RAB3GAP1: variants seen among roughly 807,000 people sequenced by gnomAD.
The protein encoded by RAB3GAP1 is rab3 GTPase-activating protein catalytic subunit.
Under a neutral mutation model 130.7 loss-of-function variants are expected in RAB3GAP1, and 86 were observed. The observed-to-expected ratio is 0.66, with a 90% CI of 0.55 to 0.79. The LOEUF is 0.79. Among genes scored for constraint, RAB3GAP1 ranks in the 30% least tolerant of loss-of-function variants. The pLI is 0.00. For missense variants in RAB3GAP1, 1,029 were observed against 1,169.4 expected, an observed-to-expected ratio of 0.88 and a Z score of 1.75; for synonymous variants, 367 against 401.7, an observed-to-expected ratio of 0.91 and a Z score of 1.03.
intron 7 of RAB3GAP1, among the ~76,000 whole-genome samples, chr2:135,117,507 TCTTCTG>T (rs1691022158): frequency 2.9e-5 from 4 of 137,386 alleles, no homozygotes; most frequent in African/African-American, 2.9e-5. Flanking sequence ...TTCTTCTTCT[TCTTCTG>T]CTTCTTCTGC....
At chr2:135,095,133 C>G (rs1271822675) in intron 5 of RAB3GAP1, among the ~76,000 whole-genome samples, 1 of 152,178 alleles carries the variant, frequency 6.6e-6, no homozygotes, top group Non-Finnish European at 1.5e-5. Context: ...ACTGCAACCT[C>G]TGCCTCCCAG....
intron 19 of RAB3GAP1, among the ~76,000 whole-genome samples, chr2:135,159,371 G>A (rs1378011598): frequency 6.6e-6 from 1 of 152,186 alleles, no homozygotes; most frequent in African/African-American, 2.4e-5. Flanking sequence ...CACAGGCTAA[G>A]CCATACTGGC....
intron 8 of RAB3GAP1, among the ~76,000 whole-genome samples, chr2:135,121,809 C>T (rs1023385654): frequency 4.6e-5 from 7 of 152,110 alleles, no homozygotes; most frequent in African/African-American, 1.2e-4. Flanking sequence ...TAATATAATA[C>T]AGGCCGGGCA....
chr2:135,105,567 G>C (rs957749681), intron 5 of RAB3GAP1, among the ~76,000 whole-genome samples: 120 of 152,208 alleles, frequency 7.9e-4, no homozygotes, highest in African/African-American at 2.8e-3. Flanking sequence ...GCAGTGGCGT[G>C]ATCTCGGCTC....
chr2:135,073,507 A>G (rs1391898030), intron 3 of RAB3GAP1, among the ~76,000 whole-genome samples: 1 of 152,178 alleles, frequency 6.6e-6, no homozygotes, highest in African/African-American at 2.4e-5. Context: ...ATGGCTGAGC[A>G]TGTGACAGAG....
intron 11 of RAB3GAP1, among the ~76,000 whole-genome samples, chr2:135,127,564 G>A (rs576749813): frequency 6.6e-6 from 1 of 151,906 alleles, no homozygotes; most frequent in South Asian, 2.1e-4. Context: ...GGATGGTCTC[G>A]ATCTCCTGAC....
intron 2 of RAB3GAP1, among the ~76,000 whole-genome samples, chr2:135,057,339 A>G (rs1281074525): frequency 1.3e-5 from 2 of 152,152 alleles, no homozygotes; most frequent in African/African-American, 4.8e-5. Flanking sequence ...TATTTAAAGG[A>G]AAAGTTTATT....
chr2:135,128,702 A>G (rs1300917063), intron 11 of RAB3GAP1, among the ~76,000 whole-genome samples: 1 of 152,240 alleles, frequency 6.6e-6, no homozygotes, highest in East Asian at 1.9e-4. Flanking sequence ...AAGAAGCCTC[A>G]AAAAAGTTAT....
intron 16 of RAB3GAP1, 122 bp from the exon 17 acceptor site, chr2:135,135,442 T>C (rs1048134066): frequency 2.4e-5 from 35 of 1,434,142 alleles, no homozygotes; most frequent in Non-Finnish European, 3.3e-5. Flanking sequence ...CTATAGTCAG[T>C]AGTCACTGCA....
At chr2:135,154,975 A>G (rs1692269611) in intron 19 of RAB3GAP1, among the ~76,000 whole-genome samples, 1 of 152,182 alleles carries the variant, frequency 6.6e-6, no homozygotes. Context: ...CCACATCCAT[A>G]TAAAACTACT....
Position 135,071,043 on chromosome 2 carries a change from T to C in RAB3GAP1, c.150+12957T>C, listed in dbSNP as rs188812387. On this transcript the variant is annotated intron_variant, in intron 3 of 23. Coordinates refer to ENST00000264158, the MANE Select transcript of RAB3GAP1 (RefSeq NM_012233.3). ...ATATATACAAAGGCTTACTTGAACA[T>C]GTACTTTTGGGACAGCTTGTATGAT... Among the ~76,000 whole-genome samples the C allele has an allele frequency of 2.0e-5, 3 of 152,358 alleles. No individual in the cohort carries two copies. The East Asian group carries it at 5.8e-4, about 29-fold the overall frequency.
chr2:135,062,637 A>G (rs1331742152), intron 3 of RAB3GAP1, among the ~76,000 whole-genome samples: 1 of 152,218 alleles, frequency 6.6e-6, no homozygotes, highest in African/African-American at 2.4e-5. Context: ...ACATTTTAAC[A>G]GTTTTGAAAG....
At chr2:135,133,532 T>A (rs571533322) in intron 14 of RAB3GAP1, among the ~76,000 whole-genome samples, 1 of 152,262 alleles carries the variant, frequency 6.6e-6, no homozygotes, top group East Asian at 1.9e-4. Context: ...TTTTGTTTTT[T>A]CAGACGTGCT....
At chr2:135,167,738 A>T (rs1369707784) in intron 23 of RAB3GAP1, 8 of 1,461,452 alleles carry the variant, frequency 5.5e-6, no homozygotes, top group African/African-American at 1.4e-5. Flanking sequence ...TTTGCCCCTC[A>T]TAGTTCCTTG....
intron 3 of RAB3GAP1, among the ~76,000 whole-genome samples, chr2:135,061,100 C>CA (rs924745949): frequency 6.6e-6 from 1 of 150,646 alleles, no homozygotes; most frequent in African/African-American, 2.4e-5. Flanking sequence ...ATCCTTTACT[C>CA]ACGATAATGT....
chr2:135,154,424 C>G (rs1487200253), intron 19 of RAB3GAP1, among the ~76,000 whole-genome samples: 2 of 152,300 alleles, frequency 1.3e-5, no homozygotes, highest in East Asian at 1.9e-4. Flanking sequence ...TCCACCCCCC[C>G]AAGAAAATCC....
rs1367624238 is a variant in RAB3GAP1 at position 135,157,828 on chromosome 2, T to A, written c.2289+3952T>A. Among the ~76,000 whole-genome samples the A allele has an allele frequency of 5.3e-5, 6 of 113,436 alleles. No homozygotes were observed. In the East Asian group the frequency reaches 1.4e-3, roughly 27 times the overall value. 74.4% of individuals were successfully genotyped at this position (113,436 alleles called of 152,430 possible). A position where few individuals can be genotyped will look rare whatever the true frequency, so the allele number is the denominator to read the frequency against. ...GCCTGGGTGACAGAGTGAGAATCCA[T>A]CTCAAAAAAAAAAAAAAAAAACAAA... On this transcript the variant is annotated intron_variant, in intron 19 of 23. Transcript: ENST00000264158.
At chr2:135,059,848 A>G (rs925931006) in intron 3 of RAB3GAP1, among the ~76,000 whole-genome samples, 1 of 152,170 alleles carries the variant, frequency 6.6e-6, no homozygotes, top group African/African-American at 2.4e-5. Context: ...TAAATAAGAT[A>G]CAGAAAATAT....
chr2:135,066,021 CCTCAGT>C (rs1283909187), intron 3 of RAB3GAP1, among the ~76,000 whole-genome samples: 6 of 152,058 alleles, frequency 3.9e-5, no homozygotes, highest in African/African-American at 1.4e-4. Context: ...GATCTGCCTG[CCTCAGT>C]CTCCCAAAGT....
Sources: allele counts gnomAD v4.1 joint callset (sites outside exome capture counted in the v4.1 genomes callset), GRCh38; gene constraint gnomAD v4.1.1; transcripts MANE v1.5; gene names NCBI Gene and HGNC (gene_info 2026-07-23, HGNC 2026-07-21).